ENTPD1: variants seen among roughly 807,000 people sequenced by gnomAD.
The protein encoded by ENTPD1 is ectonucleoside triphosphate diphosphohydrolase 1, also known as ATP diphosphohydrolase.
ENTPD1 carries 33 observed loss-of-function variants against 57.0 expected under a neutral mutation model. That is an observed-to-expected ratio of 0.58 (90% CI 0.44 to 0.77). ENTPD1 has a LOEUF of 0.77. ENTPD1 is among the 30% of genes least tolerant of loss of function. ENTPD1 has a pLI of 0.00. For missense variants in ENTPD1, 501 were observed against 603.4 expected (o/e 0.83, Z 1.78); for synonymous variants, 202 against 218.8 (o/e 0.92, Z 0.68).
chr10:95,772,494 C>T (rs952134466), intron 1 of ENTPD1, among the ~76,000 whole-genome samples: 1 of 152,206 alleles, frequency 6.6e-6, no homozygotes, highest in African/African-American at 2.4e-5. Flanking sequence ...ACCACTTTCT[C>T]TGTTCATCCA....
At chr10:95,865,808 C>T (rs1342555920) in intron 9 of ENTPD1, among the ~76,000 whole-genome samples, 1 of 152,094 alleles carries the variant, frequency 6.6e-6, no homozygotes, top group Admixed American at 6.5e-5. Flanking sequence ...CACGCTGTCA[C>T]CCAGGCTGGA....
intron 5 of ENTPD1, 117 bp downstream of exon 5, chr10:95,844,752 G>A (rs2098430829): frequency 1.6e-6 from 2 of 1,253,446 alleles, no homozygotes; most frequent in Non-Finnish European, 2.3e-6. Flanking sequence ...TGGATGGATG[G>A]ATGGATGACT....
At chr10:95,813,240 C>G (rs1444210860) in intron 1 of ENTPD1, among the ~76,000 whole-genome samples, 2 of 152,184 alleles carry the variant, frequency 1.3e-5, no homozygotes, top group African/African-American at 4.8e-5. Flanking sequence ...GGAATTTACA[C>G]AGAGCTGGTG....
In ENTPD1 at chr10:95,822,661, AG is replaced by A. The variant is rs2098357812; in HGVS notation, c.17-575del. On this transcript the variant is annotated intron_variant, in intron 1 of 9. Transcript: ENST00000371205. ...ATGTCCCATGACAGAATGAGACTAA[AG>A]ACAAAATAAATAAGATAATATGAAT... Among the ~76,000 whole-genome samples, 3 of 152,354 alleles carry A rather than the reference AG, an allele frequency of 2.0e-5. No homozygotes were observed. In the South Asian group the frequency reaches 6.2e-4, roughly 32 times the overall value.
chr10:95,811,436 C>G (rs570958568), intron 1 of ENTPD1, among the ~76,000 whole-genome samples: 1 of 152,266 alleles, frequency 6.6e-6, no homozygotes, highest in East Asian at 1.9e-4. Flanking sequence ...TGGAAACCCT[C>G]TGTACATTTT....
chr10:95,756,801 T>G (rs943448869), intron 1 of ENTPD1: 1 of 150,784 alleles, frequency 6.6e-6, no homozygotes, highest in Non-Finnish European at 1.5e-5. Flanking sequence ...ATGCTGAAAG[T>G]TTCTTGAGAT....
At chr10:95,802,998 C>T (rs537977473) in intron 1 of ENTPD1, among the ~76,000 whole-genome samples, 1 of 152,256 alleles carries the variant, frequency 6.6e-6, no homozygotes, top group South Asian at 2.1e-4. Context: ...CATGATGCCT[C>T]CAGCTTTGTT....
chr10:95,768,341 C>T lies in ENTPD1; in HGVS notation c.16+12086C>T, dbSNP rs572848160. Among the ~76,000 whole-genome samples the T allele has an allele frequency of 3.9e-4, 59 of 152,098 alleles. No homozygotes were observed. In the South Asian group the frequency reaches 9.0e-3, roughly 23 times the overall value. ...GCAAGAAAGATTTCTTCTGTCACAA[C>T]TTTGATTAATGCTGCTGTTTTGTTT... On this transcript the variant is annotated intron_variant, in intron 1 of 9. Coordinates refer to ENST00000371205, the MANE Select transcript of ENTPD1 (RefSeq NM_001776.6).
In ENTPD1 at chr10:95,839,869, A is replaced by G. The variant is rs2098418897; in HGVS notation, c.262+61A>G. The G allele has an allele frequency of 7.8e-6, 12 of 1,537,006 alleles. No individual in the cohort carries two copies. In the Middle Eastern group the frequency reaches 5.1e-4, roughly 65 times the overall value. On this transcript the variant is annotated intron_variant, in intron 3 of 9. Coordinates refer to ENST00000371205, the MANE Select transcript of ENTPD1 (RefSeq NM_001776.6). ...TGGGGCATGAGAACATGAGAGGTGT[A>G]TGACCAGTAGAACACAAGAGAAAAA...
intron 1 of ENTPD1, among the ~76,000 whole-genome samples, chr10:95,772,842 T>A (rs556342591): frequency 6.6e-6 from 1 of 152,360 alleles, no homozygotes; most frequent in Non-Finnish European, 1.5e-5. Context: ...CCTTATTAAA[T>A]GTATTTCTTA....
intron 1 of ENTPD1, among the ~76,000 whole-genome samples, chr10:95,794,103 A>G (rs967101832): frequency 6.6e-6 from 1 of 152,228 alleles, no homozygotes; most frequent in Non-Finnish European, 1.5e-5. Flanking sequence ...AACATGTCCA[A>G]TAGGTTCTAG....
At chr10:95,863,061 C>T (rs1484801170) in intron 8 of ENTPD1, among the ~76,000 whole-genome samples, 1 of 152,104 alleles carries the variant, frequency 6.6e-6, no homozygotes, top group Non-Finnish European at 1.5e-5. Flanking sequence ...AGTGATCCAC[C>T]CACAGGCATG....
At chr10:95,718,780 T>C (rs1423746630) in intron 1 of ENTPD1, among the ~76,000 whole-genome samples, 1 of 152,220 alleles carries the variant, frequency 6.6e-6, no homozygotes, top group African/African-American at 2.4e-5. Context: ...AAGTCCTTTT[T>C]CTACAAAGGA....
intron 1 of ENTPD1, among the ~76,000 whole-genome samples, chr10:95,749,829 G>A (rs561168064): frequency 6.6e-6 from 1 of 152,274 alleles, no homozygotes; most frequent in African/African-American, 2.4e-5. Flanking sequence ...TAAATTTTGA[G>A]CAAAAGAGTT....
At chr10:95,703,415 C>T in the ENTPD1 span, among the ~76,000 whole-genome samples, 3 of 152,098 alleles carry the variant, frequency 2.0e-5, no homozygotes, top group Non-Finnish European at 4.4e-5. Context: ...TAAAGTAAAA[C>T]TTTTAGATGA....
the ENTPD1 span, among the ~76,000 whole-genome samples, chr10:95,705,913 T>C: frequency 1.2e-3 from 178 of 152,282 alleles, no homozygotes; most frequent in East Asian, 6.4e-3. Context: ...GCCTGGGCGA[T>C]GTAGTGAGAC....
rs1331266470 is a variant in ENTPD1, at chr10:95,823,242, A to C, written c.22A>C (p.Asn8His). ...TCTTCTGCTTTTGGTTTTAGAGTCT[A>C]ACGTGAAGACATTTTGCTCCAAGAA... MEDTKES[N>H]VKTFCSKNIL... Residue 8 changes from asparagine (N) to histidine (H), a missense_variant, in exon 2 of 10, where the codon AAC (asparagine) becomes CAC (histidine). Asn to His is a moderately conservative substitution (Grantham distance 68). Transcript: ENST00000371205. The C allele has an allele frequency of 1.2e-6, 2 of 1,614,072 alleles. No homozygotes were observed.
chr10:95,867,292 C>T lies in ENTPD1; in HGVS notation c.*909C>T. On this transcript the variant is annotated 3_prime_UTR_variant, in exon 10 of 10. Transcript: ENST00000371205. ...ACAAATCAGTGACATTTAGTACATT[C>T]ACAGTGTTGTGCCACCATCACCACT... 1.0e-6 allele frequency: 1 copy of T among 979,316 alleles called. No homozygotes were observed. Among genetic ancestry groups the T allele is most frequent in the Non-Finnish European group, 1.2e-6 (1 of 824,396 alleles). 60.7% of individuals were successfully genotyped at this position (979,316 alleles called of 1,614,324 possible). A position where few individuals can be genotyped will look rare whatever the true frequency, so the allele number is the denominator to read the frequency against.
At chr10:95,745,612 T>G (rs929603890) in intron 1 of ENTPD1, among the ~76,000 whole-genome samples, 1 of 152,192 alleles carries the variant, frequency 6.6e-6, no homozygotes, top group Non-Finnish European at 1.5e-5. Context: ...AGAACATTTA[T>G]GTAAGAGAAT....
Sources: gnomAD v4.1 joint callset for allele counts (sites outside exome capture counted in the v4.1 genomes callset) on GRCh38, gnomAD v4.1.1 for gene constraint, MANE v1.5 for transcripts, NCBI Gene and HGNC (gene_info 2026-07-23, HGNC 2026-07-21) for gene names.